The following OSBPL10 variants were observed in gnomAD, a reference collection of about 807,000 sequenced individuals.
OSBPL10 encodes the protein oxysterol binding protein like 10.
In OSBPL10, 49 loss-of-function variants were observed where a neutral mutation model predicts 81.7. That is an observed-to-expected ratio of 0.60 (90% CI 0.48 to 0.76). The LOEUF (loss-of-function observed/expected upper bound fraction) is 0.76. Among genes scored for constraint, OSBPL10 ranks in the 30% least tolerant of loss-of-function variants. The pLI, the probability that OSBPL10 is intolerant of heterozygous loss-of-function variation, is 0.00. For missense variants in OSBPL10, 923 were observed against 987.8 expected, an observed-to-expected ratio of 0.93 and a Z score of 0.88; for synonymous variants, 419 against 383.6, an observed-to-expected ratio of 1.09 and a Z score of -1.08.
At chr3:31,941,735 A>T (rs890314337) in intron 1 of OSBPL10, among the ~76,000 whole-genome samples, 5 of 152,236 alleles carry the variant, frequency 3.3e-5, no homozygotes, top group African/African-American at 1.2e-4. Context: ...AAGGGAAAGA[A>T]AATGGACTAG....
chr3:31,745,394 G>A (rs1407311130), intron 5 of OSBPL10, among the ~76,000 whole-genome samples: 2 of 152,196 alleles, frequency 1.3e-5, no homozygotes, highest in African/African-American at 2.4e-5. Context: ...AGGAAAAGGT[G>A]AAGCAAACAT....
chr3:32,026,059 ATAGATAGATAG>A (rs1699407037), intron 2 of OSBPL10, among the ~76,000 whole-genome samples: 1 of 87,346 alleles, frequency 1.1e-5, no homozygotes, highest in African/African-American at 3.7e-5. Context: ...TAGATAGATG[ATAGATAGATAG>A]ATAGATAGAT....
chr3:31,894,368 G>A (rs1469448651), intron 1 of OSBPL10, among the ~76,000 whole-genome samples: 1 of 152,164 alleles, frequency 6.6e-6, no homozygotes, highest in Non-Finnish European at 1.5e-5. Flanking sequence ...ATTAAACAGG[G>A]AAAAGAACAG....
At chr3:31,822,939 A>G (rs1467320015) in intron 4 of OSBPL10, among the ~76,000 whole-genome samples, 1 of 12,280 alleles carries the variant, frequency 8.1e-5, no homozygotes, top group Non-Finnish European at 1.9e-4. Context: ...GTTAAAATAG[A>G]AAAAAAAATA....
intron 1 of OSBPL10, among the ~76,000 whole-genome samples, chr3:31,897,322 T>C (rs1192822357): frequency 1.3e-5 from 2 of 152,088 alleles, no homozygotes; most frequent in Non-Finnish European, 2.9e-5. Context: ...AAAAACGAAC[T>C]GGTGAGCTGG....
intron 4 of OSBPL10, among the ~76,000 whole-genome samples, chr3:31,825,456 G>T (rs1700077373): frequency 6.6e-6 from 1 of 152,116 alleles, no homozygotes; most frequent in Non-Finnish European, 1.5e-5. Context: ...TGAGTGGTTG[G>T]GACTACAGGC....
intron 7 of OSBPL10, among the ~76,000 whole-genome samples, chr3:31,688,284 C>CAT (rs1700849099): frequency 1.4e-5 from 1 of 70,200 alleles, no homozygotes; most frequent in African/African-American, 5.3e-5. Context: ...CTCTCTCTCT[C>CAT]ACACACACAC....
intron 2 of OSBPL10, among the ~76,000 whole-genome samples, chr3:32,012,197 G>C (rs1699266633): frequency 6.6e-6 from 1 of 152,166 alleles, no homozygotes; most frequent in African/African-American, 2.4e-5. Flanking sequence ...CAGAGAGAAA[G>C]GTCGGGTTAC....
intron 4 of OSBPL10, among the ~76,000 whole-genome samples, chr3:31,808,976 A>G (rs1393547343): frequency 6.6e-6 from 1 of 152,208 alleles, no homozygotes; most frequent in Non-Finnish European, 1.5e-5. Context: ...TATACCTGTA[A>G]TATATAAACA....
intron 1 of OSBPL10, among the ~76,000 whole-genome samples, chr3:31,928,762 C>CCAAAAAAAAAAAAAAAAAA (rs768296819): frequency 2.3e-4 from 22 of 95,096 alleles, no homozygotes; most frequent in African/African-American, 6.5e-4. Context: ...GACTTGTCTC[C>CCAAAAAAAAAAAAAAAAAA]AAAAAAAAAA....
intron 11 of OSBPL10, chr3:31,662,732 T>TTAA: frequency 1.0e-6 from 1 of 985,476 alleles, no homozygotes; most frequent in South Asian, 4.7e-5. Context: ...ATACTGGCTT[T>TTAA]TCTTAAACTC....
intron 6 of OSBPL10, chr3:31,710,966 G>A (rs891702501): frequency 2.0e-5 from 3 of 152,250 alleles, no homozygotes; most frequent in African/African-American, 4.8e-5. Context: ...AGATACTGAA[G>A]ATAGAAATTT....
Position 31,823,932 on chromosome 3 carries a change from G to A in OSBPL10, c.729+6108C>T, listed in dbSNP as rs1700041437. On this transcript the variant is annotated intron_variant, in intron 4 of 11. Coordinates refer to ENST00000396556, the MANE Select transcript of OSBPL10 (RefSeq NM_017784.5). ...AGTGGCATGATCTTGGCTCAGTGCA[G>A]CCTCCACTGCCCAGGCTCAAAGGAT... Among the ~76,000 whole-genome samples the A allele has an allele frequency of 2.0e-5, 3 of 152,092 alleles. No homozygotes were observed. The South Asian group carries it at 6.2e-4, about 32-fold the overall frequency.
chr3:31,870,221 G>A (rs1304055532), intron 3 of OSBPL10, among the ~76,000 whole-genome samples: 6 of 152,236 alleles, frequency 3.9e-5, no homozygotes, highest in Non-Finnish European at 7.3e-5. Context: ...CCGAGCAGCC[G>A]GCGGGCCTCC....
chr3:31,847,166 C>T (rs967317362), intron 3 of OSBPL10, among the ~76,000 whole-genome samples: 5 of 151,858 alleles, frequency 3.3e-5, no homozygotes, highest in African/African-American at 4.8e-5. Flanking sequence ...AGCCTCCACT[C>T]ACAAGTCATC....
Position 31,716,491 on chromosome 3 carries a change from GAGA to G in OSBPL10, c.1096-13986_1096-13984del, listed in dbSNP as rs1448569250. 3.3e-5 allele frequency among the ~76,000 whole-genome samples: 5 copies of G among 152,152 alleles called. No individual in the cohort carries two copies. In the East Asian group the frequency reaches 9.7e-4, roughly 29 times the overall value. Reference sequence around the variant, plus strand: ...GAGATTTGGGCGCACTCTAACATTTGAGAAGGTCTGCTCTAATGATCCCCGGCC... The same window carrying G: ...GAGATTTGGGCGCACTCTAACATTTGAGGTCTGCTCTAATGATCCCCGGCC... On this transcript the variant is annotated intron_variant, in intron 6 of 11. Transcript: ENST00000396556.
intron 1 of OSBPL10, among the ~76,000 whole-genome samples, chr3:31,948,248 A>C (rs1331687239): frequency 6.6e-6 from 1 of 152,226 alleles, no homozygotes; most frequent in African/African-American, 2.4e-5. Context: ...CAGCAGAACA[A>C]TATACATGCA....
intron 1 of OSBPL10, among the ~76,000 whole-genome samples, chr3:31,965,376 T>A (rs1698293037): frequency 1.1e-5 from 1 of 91,768 alleles, no homozygotes; most frequent in South Asian, 3.3e-4. Flanking sequence ...TCTCAAAAAA[T>A]ATATATATTA....
chr3:31,759,463 AT>A (rs1269126766), intron 4 of OSBPL10, among the ~76,000 whole-genome samples: 1 of 152,234 alleles, frequency 6.6e-6, no homozygotes, highest in Non-Finnish European at 1.5e-5. Flanking sequence ...ATACAAAAGA[AT>A]ACTCATCATA....
Sources: gnomAD v4.1 joint callset for allele counts (sites outside exome capture counted in the v4.1 genomes callset) on GRCh38, gnomAD v4.1.1 for gene constraint, MANE v1.5 for transcripts, NCBI Gene and HGNC (gene_info 2026-07-23, HGNC 2026-07-21) for gene names.